Variants in NR2F1-AS1 observed in about 807,000 individuals in gnomAD.
NR2F1-AS1 encodes the protein NR2F1 antisense RNA 1.
chr5:93,563,578 T>C (rs1580337212), intron 1 of NR2F1-AS1: 4 of 152,162 alleles, frequency 2.6e-5, no homozygotes, highest in Admixed American at 2.6e-4. Context: ...ACACACACCC[T>C]AAAGAAGCTT....
At chr5:93,558,635 CTTAA>C (rs1432566283) in intron 2 of NR2F1-AS1, among the ~76,000 whole-genome samples, 1 of 152,102 alleles carries the variant, frequency 6.6e-6, no homozygotes, top group Non-Finnish European at 1.5e-5. Context: ...AAATGTATTT[CTTAA>C]TTAATAAAAC....
chr5:93,513,452 G>A (rs958808144), intron 4 of NR2F1-AS1, among the ~76,000 whole-genome samples: 6 of 152,102 alleles, frequency 3.9e-5, no homozygotes, highest in Non-Finnish European at 8.8e-5. Flanking sequence ...AGAAAATGTG[G>A]TATATACATA....
intron 1 of NR2F1-AS1, among the ~76,000 whole-genome samples, chr5:93,566,499 G>C (rs1752621388): frequency 6.6e-6 from 1 of 152,054 alleles, no homozygotes; most frequent in Non-Finnish European, 1.5e-5. Context: ...TCTGCAGTTG[G>C]GAAAATACTT....
intron 4 of NR2F1-AS1, among the ~76,000 whole-genome samples, chr5:93,546,942 G>A (rs1752101032): frequency 6.6e-6 from 1 of 152,144 alleles, no homozygotes; most frequent in Admixed American, 6.5e-5. Flanking sequence ...AATAATGTGA[G>A]TGGATCTTAT....
chr5:93,417,294 G>C (rs1165863181), intron 4 of NR2F1-AS1, among the ~76,000 whole-genome samples: 1 of 152,128 alleles, frequency 6.6e-6, no homozygotes, highest in Admixed American at 6.5e-5. Flanking sequence ...ATGTTAATGG[G>C]TTTTATTGTA....
intron 4 of NR2F1-AS1, among the ~76,000 whole-genome samples, chr5:93,433,572 T>C (rs1250366534): frequency 6.6e-6 from 1 of 152,314 alleles, no homozygotes; most frequent in African/African-American, 2.4e-5. Flanking sequence ...TATGTGAACA[T>C]CACAGGATGG....
intron 4 of NR2F1-AS1, among the ~76,000 whole-genome samples, chr5:93,551,735 T>C (rs1437346446): frequency 6.6e-6 from 1 of 152,172 alleles, no homozygotes; most frequent in Admixed American, 6.5e-5. Flanking sequence ...GTAATAGAGT[T>C]CTTAAGTTCC....
intron 4 of NR2F1-AS1, among the ~76,000 whole-genome samples, chr5:93,467,925 G>A (rs1438144572): frequency 6.6e-6 from 1 of 152,162 alleles, no homozygotes; most frequent in Non-Finnish European, 1.5e-5. Context: ...TTCTGTCCTT[G>A]TGATAGTTTG....
chr5:93,426,238 G>C (rs1749192791), intron 4 of NR2F1-AS1, among the ~76,000 whole-genome samples: 1 of 150,018 alleles, frequency 6.7e-6, no homozygotes, highest in South Asian at 2.1e-4. Context: ...AGTAGACATG[G>C]GGTTTCACCA....
intron 4 of NR2F1-AS1, among the ~76,000 whole-genome samples, chr5:93,491,653 C>A (rs560507161): frequency 7.2e-5 from 11 of 152,096 alleles, no homozygotes; most frequent in Admixed American, 6.6e-4. Flanking sequence ...CTACTAAAGA[C>A]GCAAATTGAA....
intron 4 of NR2F1-AS1, among the ~76,000 whole-genome samples, chr5:93,414,159 T>C (rs1471170941): frequency 6.6e-6 from 1 of 152,176 alleles, no homozygotes; most frequent in Admixed American, 6.5e-5. Context: ...TTGAAAAGAA[T>C]TGGATAATGG....
intron 4 of NR2F1-AS1, among the ~76,000 whole-genome samples, chr5:93,479,171 C>T (rs1004733535): frequency 7.9e-5 from 12 of 152,018 alleles, no homozygotes; most frequent in Non-Finnish European, 1.8e-4. Flanking sequence ...GGCCTGTATG[C>T]CTGGTGCAAT....
intron 4 of NR2F1-AS1, among the ~76,000 whole-genome samples, chr5:93,535,750 A>G (rs1751825604): frequency 6.6e-6 from 1 of 152,202 alleles, no homozygotes; most frequent in South Asian, 2.1e-4. Context: ...AATCTTTTCA[A>G]TAGATGCAGA....
chr5:93,451,698 T>C (rs1749834400), intron 4 of NR2F1-AS1, among the ~76,000 whole-genome samples: 1 of 152,188 alleles, frequency 6.6e-6, no homozygotes, highest in South Asian at 2.1e-4. Context: ...CAACTGCACC[T>C]GGCCTGACTA....
intron 4 of NR2F1-AS1, among the ~76,000 whole-genome samples, chr5:93,436,463 G>C (rs746238464): frequency 1.3e-5 from 2 of 152,078 alleles, no homozygotes; most frequent in African/African-American, 2.4e-5. Flanking sequence ...ACCATGTATT[G>C]CCAGTTTCTT....
At position 93,575,520 on chromosome 5, in the gene NR2F1-AS1, A is replaced by G. The variant is rs187431612; in HGVS notation, n.313+4947T>C. ...TATTTTCCACTATTTATTGTATTTT[A>G]ACCAATTTAACTCCAAGCAAAAAGA... On this transcript the variant is annotated intron_variant and non_coding_transcript_variant, in intron 1 of 5. Coordinates refer to ENST00000660523, the Ensembl canonical transcript of NR2F1-AS1. Among the ~76,000 whole-genome samples the G allele has an allele frequency of 2.0e-5, 3 of 152,316 alleles. No individual in the cohort carries two copies. The East Asian group carries it at 5.8e-4, about 29-fold the overall frequency.
intron 4 of NR2F1-AS1, among the ~76,000 whole-genome samples, chr5:93,471,921 C>T (rs1336794280): frequency 6.6e-6 from 1 of 151,818 alleles, no homozygotes; most frequent in African/African-American, 2.4e-5. Flanking sequence ...TCACTAGGGA[C>T]AGTTAATACA....
chr5:93,573,784 C>T (rs1476748500), intron 1 of NR2F1-AS1, among the ~76,000 whole-genome samples: 3 of 152,208 alleles, frequency 2.0e-5, no homozygotes, highest in Non-Finnish European at 4.4e-5. Context: ...CTGTCCAAAC[C>T]TTCCTCTTCC....
intron 4 of NR2F1-AS1, among the ~76,000 whole-genome samples, chr5:93,415,994 G>A (rs563368332): frequency 2.0e-5 from 3 of 152,262 alleles, no homozygotes; most frequent in Non-Finnish European, 2.9e-5. Context: ...GCCAGTCATC[G>A]AAGTAATTCA....
Sources: gnomAD v4.1 joint callset for allele counts (sites outside exome capture counted in the v4.1 genomes callset) on GRCh38, gnomAD v4.1.1 for gene constraint, MANE v1.5 for transcripts, NCBI Gene and HGNC (gene_info 2026-07-23, HGNC 2026-07-21) for gene names.